Variants in ASCC3 observed in about 807,000 individuals in gnomAD.
The protein encoded by ASCC3 is ASC-1 complex subunit P200.
ASCC3 carries 158 observed loss-of-function variants against 256.3 expected under a neutral mutation model. The ratio of observed to expected loss-of-function variants is 0.62; its 90% CI spans 0.54 to 0.70. ASCC3 has a LOEUF of 0.70. Ranked by LOEUF, ASCC3 falls within the 30% of genes least tolerant of loss-of-function variation. The pLI is 0.00. For missense variants in ASCC3, 2,259 were observed against 2,626.0 expected (o/e 0.86, Z 3.05); for synonymous variants, 948 against 883.4 (o/e 1.07, Z -1.30).
At chr6:100,773,881 G>C (rs1242217984) in intron 8 of ASCC3, among the ~76,000 whole-genome samples, 1 of 152,092 alleles carries the variant, frequency 6.6e-6, no homozygotes, top group Non-Finnish European at 1.5e-5. Context: ...ATTGAATCTA[G>C]CCAAAATATG....
intron 1 of ASCC3, among the ~76,000 whole-genome samples, chr6:100,868,865 G>A (rs2114558195): frequency 6.6e-6 from 1 of 152,304 alleles, no homozygotes; most frequent in Admixed American, 6.5e-5. Context: ...AGATGGCCTG[G>A]TCTAATCTCC....
At chr6:100,549,088 T>C (rs1005729292) in intron 36 of ASCC3, among the ~76,000 whole-genome samples, 1 of 151,846 alleles carries the variant, frequency 6.6e-6, no homozygotes, top group African/African-American at 2.4e-5. Context: ...TGGTTGACCA[T>C]GGGTAACTGA....
At chr6:100,697,110 C>T (rs1778123449) in intron 13 of ASCC3, among the ~76,000 whole-genome samples, 1 of 152,042 alleles carries the variant, frequency 6.6e-6, no homozygotes, top group Admixed American at 6.6e-5. Context: ...AGTCAGAAAA[C>T]ATGCATTTAT....
intron 36 of ASCC3, among the ~76,000 whole-genome samples, chr6:100,571,440 A>T (rs1770586523): frequency 6.6e-6 from 1 of 152,160 alleles, no homozygotes; most frequent in Non-Finnish European, 1.5e-5. Flanking sequence ...ATGTGTGTTT[A>T]TTCTTGGCCA....
At chr6:100,858,559 G>A in intron 3 of ASCC3, 1 of 981,592 alleles carries the variant, frequency 1.0e-6, no homozygotes, top group Non-Finnish European at 1.2e-6. Flanking sequence ...TTTCTCTACT[G>A]AATCATGTAA....
chr6:100,720,900 TAATA>T (rs922500855), intron 11 of ASCC3, among the ~76,000 whole-genome samples: 10 of 148,032 alleles, frequency 6.8e-5, no homozygotes, highest in African/African-American at 2.2e-4. Flanking sequence ...AATAAACCTA[TAATA>T]TATAGTTTGA....
chr6:100,641,085 T>G (rs533727851), intron 24 of ASCC3, among the ~76,000 whole-genome samples: 1 of 152,144 alleles, frequency 6.6e-6, no homozygotes, highest in African/African-American at 2.4e-5. Flanking sequence ...AATTAACAGA[T>G]TAGTTTAGGA....
intron 36 of ASCC3, among the ~76,000 whole-genome samples, chr6:100,581,889 G>C (rs1298996572): frequency 1.3e-4 from 19 of 151,454 alleles, no homozygotes; most frequent in Non-Finnish European, 2.4e-4. Context: ...AGATCAGATA[G>C]TTGTAGATAT....
chr6:100,778,207 A>G (rs937399403), intron 8 of ASCC3, among the ~76,000 whole-genome samples: 1 of 152,160 alleles, frequency 6.6e-6, no homozygotes, highest in Non-Finnish European at 1.5e-5. Flanking sequence ...GAGAAAAATA[A>G]ACACTCCATT....
chr6:100,809,554 A>C lies in ASCC3; in HGVS notation c.802-3674T>G, dbSNP rs1051220328. On this transcript the variant is annotated intron_variant, in intron 4 of 41. Coordinates refer to ENST00000369162, the MANE Select transcript of ASCC3 (RefSeq NM_006828.4). Reference sequence around the variant, plus strand: ...ACATCCTTATGCAGCACATGACTGTACTTGAAGAGTTTCTCAGTTTTAGTT... The same window carrying C: ...ACATCCTTATGCAGCACATGACTGTCCTTGAAGAGTTTCTCAGTTTTAGTT... Among the ~76,000 whole-genome samples the C allele has an allele frequency of 2.0e-5, 3 of 152,078 alleles. No individual in the cohort carries two copies. In the East Asian group the frequency reaches 5.8e-4, roughly 29 times the overall value.
Position 100,642,629 on chromosome 6 carries a change from T to G in ASCC3, c.3853A>C (p.Ile1285Leu). The G allele has an allele frequency of 6.2e-7, 1 of 1,614,006 alleles. No individual in the cohort carries two copies. Among genetic ancestry groups the G allele is most frequent in the Non-Finnish European group, 8.5e-7 (1 of 1,179,914 alleles). The change falls in exon 24 of 42, where the codon ATC (isoleucine) becomes CTC (leucine). Residue 1285 changes from isoleucine to leucine, a missense_variant. This residue lies in a region of ASCC3 where 1,839 missense variants were observed against 2,206.7 expected (regional missense o/e 0.83). Coordinates refer to ENST00000369162, the MANE Select transcript of ASCC3 (RefSeq NM_006828.4). ...RWLGAEAVCI[I>L]NFQHLILPER... ...GGTAGAATTAGATGTTGAAAGTTGA[T>G]AATACATACTGCCTCAGCACCCAAC...
chr6:100,708,021 A>C (rs1382235376), intron 13 of ASCC3, among the ~76,000 whole-genome samples: 1 of 152,100 alleles, frequency 6.6e-6, no homozygotes. Flanking sequence ...CCATTAACTC[A>C]AATTATATGT....
intron 10 of ASCC3, among the ~76,000 whole-genome samples, chr6:100,743,253 G>A (rs921123095): frequency 4.6e-5 from 7 of 152,154 alleles, no homozygotes; most frequent in Non-Finnish European, 1.0e-4. Context: ...TTATCCATGG[G>A]TTGAGTTGTT....
intron 3 of ASCC3, among the ~76,000 whole-genome samples, chr6:100,860,532 T>A (rs1773171269): frequency 2.6e-5 from 4 of 151,978 alleles, no homozygotes. Context: ...ACAGAGAACT[T>A]TGAGTTGGAT....
intron 11 of ASCC3, among the ~76,000 whole-genome samples, chr6:100,723,766 G>C (rs1779455618): frequency 6.7e-6 from 1 of 149,602 alleles, no homozygotes; most frequent in Non-Finnish European, 1.5e-5. Flanking sequence ...AAGATGACAA[G>C]AGTTCTGACA....
At chr6:100,751,389 T>C (rs181253300) in intron 10 of ASCC3, among the ~76,000 whole-genome samples, 1 of 152,012 alleles carries the variant, frequency 6.6e-6, no homozygotes, top group East Asian at 1.9e-4. Flanking sequence ...TTCCCCAGGG[T>C]TCTTGAATTT....
chr6:100,575,900 A>G (rs1456806138), intron 36 of ASCC3, among the ~76,000 whole-genome samples: 2 of 152,160 alleles, frequency 1.3e-5, no homozygotes, highest in East Asian at 1.9e-4. Flanking sequence ...TCCACTGAAC[A>G]TATCAGATCA....
At chr6:100,535,556 G>A (rs1393048346) in intron 37 of ASCC3, among the ~76,000 whole-genome samples, 2 of 131,238 alleles carry the variant, frequency 1.5e-5, no homozygotes, top group African/African-American at 5.7e-5. Context: ...TGCAACCTCC[G>A]CCTCCCCGGT....
intron 5 of ASCC3, among the ~76,000 whole-genome samples, chr6:100,803,825 A>C (rs1000596484): frequency 3.9e-5 from 6 of 152,142 alleles, no homozygotes; most frequent in African/African-American, 1.4e-4. Context: ...TCATAATCAT[A>C]AATGTAAGAA....
Sources: gnomAD v4.1 joint callset for allele counts (sites outside exome capture counted in the v4.1 genomes callset) on GRCh38, gnomAD v4.1.1 for gene constraint, gnomAD v4.1.1 regional missense constraint, MANE v1.5 for transcripts, NCBI Gene and HGNC (gene_info 2026-07-23, HGNC 2026-07-21) for gene names.